The following ADGRA3 variants were observed in gnomAD, a reference collection of about 807,000 sequenced individuals.
The protein encoded by ADGRA3 is G-protein coupled receptor 125.
Under a neutral mutation model 119.8 loss-of-function variants are expected in ADGRA3, and 56 were observed. The observed-to-expected ratio is 0.47, with a 90% CI of 0.38 to 0.58. ADGRA3 has a LOEUF of 0.58. Among genes scored for constraint, ADGRA3 ranks in the 20% least tolerant of loss-of-function variants. The probability of loss-of-function intolerance (pLI) is 0.00; values close to 1 mark genes in which losing one functional copy is unlikely to be tolerated. For missense variants in ADGRA3, 1,516 were observed against 1,649.0 expected, an observed-to-expected ratio of 0.92 and a Z score of 1.40; for synonymous variants, 607 against 623.8, an observed-to-expected ratio of 0.97 and a Z score of 0.40.
At position 22,515,653 on chromosome 4, in the gene ADGRA3, C is replaced by G. The variant is rs774948198; in HGVS notation, c.132G>C (p.Lys44Asn). ...CAGCCCCTCGGGGCCGCCCATCGTG[C>G]TTGCAGCCGGCGGGCAGCGCCGCGG... Reference protein sequence around the residue: ...GGAAALPAGCKHDGRPRGAGR... With the variant: ...GGAAALPAGCNHDGRPRGAGR... The change falls in exon 1 of 19, where the codon AAG becomes AAC. Residue 44 changes from lysine to asparagine, a missense_variant. Lys to Asn is a moderately conservative substitution (Grantham distance 94, BLOSUM62 0). This residue lies in a region of ADGRA3 where 428 missense variants were observed against 541.9 expected (regional missense o/e 0.79). Transcript: ENST00000334304. 7 of 1,335,026 alleles carry G rather than the reference C, an allele frequency of 5.2e-6. No homozygotes were observed. The highest frequency in any genetic ancestry group is 1.5e-5 in the African/African-American group (1 of 65,992). 82.7% of individuals were successfully genotyped at this position (1,335,026 alleles called of 1,614,324 possible). A position where few individuals can be genotyped will look rare whatever the true frequency, so the allele number is the denominator to read the frequency against.
intron 4 of ADGRA3, among the ~76,000 whole-genome samples, chr4:22,449,199 G>A (rs995356807): frequency 2.0e-5 from 3 of 151,788 alleles, no homozygotes; most frequent in African/African-American, 7.3e-5. Context: ...GAACCCGGAA[G>A]GCAGAGGCTG....
At chr4:22,482,057 GATGCATTGACTCATTC>G (rs1309460782) in intron 1 of ADGRA3, among the ~76,000 whole-genome samples, 2 of 152,078 alleles carry the variant, frequency 1.3e-5, no homozygotes, top group African/African-American at 2.4e-5. Context: ...CCTTTGATTG[GATGCATTGACTCATTC>G]ATTCATTTTT....
At chr4:22,422,066 G>A (rs1337640923) in intron 11 of ADGRA3, among the ~76,000 whole-genome samples, 1 of 151,852 alleles carries the variant, frequency 6.6e-6, no homozygotes, top group African/African-American at 2.4e-5. Context: ...CAGCCACCAG[G>A]CCCACTCGCT....
intron 1 of ADGRA3, among the ~76,000 whole-genome samples, chr4:22,507,053 C>A (rs1322869619): frequency 6.8e-6 from 1 of 146,266 alleles, no homozygotes. Flanking sequence ...CTTGCTAACA[C>A]GATGAAACCC....
intron 1 of ADGRA3, among the ~76,000 whole-genome samples, chr4:22,505,579 G>A (rs1211918166): frequency 8.6e-5 from 13 of 151,722 alleles, no homozygotes; most frequent in African/African-American, 1.7e-4. Context: ...CCCGGGAGAC[G>A]GAGGTTGCAG....
At chr4:22,460,386 TAAATTTACAA>T (rs1717399904) in intron 3 of ADGRA3, among the ~76,000 whole-genome samples, 2 of 152,162 alleles carry the variant, frequency 1.3e-5, no homozygotes, top group African/African-American at 4.8e-5. Context: ...AAGCAGGACA[TAAATTTACAA>T]AGGTGTCCCT....
intron 2 of ADGRA3, 36 bp downstream of exon 2, chr4:22,473,736 A>G (rs772499885): frequency 8.0e-7 from 1 of 1,242,532 alleles, no homozygotes. Context: ...TGCATTAAAC[A>G]AAATAATAAT....
rs59015584 is a variant in ADGRA3, at chr4:22,513,845, C to CAAAAAAAAAAAAAAAAAAAAAAAAAAAA, written c.257+1655_257+1682dup. Among the ~76,000 whole-genome samples, 2 of 31,480 alleles carry CAAAAAAAAAAAAAAAAAAAAAAAAAAAA rather than the reference C, an allele frequency of 6.4e-5. 1 individual carries two copies. Among genetic ancestry groups the CAAAAAAAAAAAAAAAAAAAAAAAAAAAA allele is most frequent in the African/African-American group, 2.0e-4 (2 of 10,146 alleles). The allele number at this position is 31,480 out of a possible 152,430, so 20.7% of individuals were successfully genotyped here. ...TATTTTCATCTAAAAAGCTTTCAGGCAAAAAAAAAAAAAAAAAAAAAAAAA... is the reference window on the plus strand; with the variant it reads ...TATTTTCATCTAAAAAGCTTTCAGGCAAAAAAAAAAAAAAAAAAAAAAAAAAAAAAAAAAAAAAAAAAAAAAAAAAAAA... On this transcript the variant is annotated intron_variant, in intron 1 of 18. Transcript: ENST00000334304.
At chr4:22,492,908 C>T (rs1718681804) in intron 1 of ADGRA3, among the ~76,000 whole-genome samples, 1 of 152,230 alleles carries the variant, frequency 6.6e-6, no homozygotes, top group Non-Finnish European at 1.5e-5. Flanking sequence ...ATTTTGCACA[C>T]ACAAGATGAG....
intron 4 of ADGRA3, among the ~76,000 whole-genome samples, chr4:22,450,370 A>G (rs1716990008): frequency 6.6e-6 from 1 of 151,350 alleles, no homozygotes; most frequent in South Asian, 2.1e-4. Flanking sequence ...GGTTCAAGTG[A>G]TTCTCATGCC....
At chr4:22,497,342 G>C (rs1257322344) in intron 1 of ADGRA3, among the ~76,000 whole-genome samples, 4 of 151,232 alleles carry the variant, frequency 2.6e-5, no homozygotes, top group African/African-American at 9.8e-5. Flanking sequence ...CAGTCATCAA[G>C]GACATCTTCA....
At chr4:22,435,540 CT>C (rs1440438399) in intron 9 of ADGRA3, 74 bp from the exon 10 acceptor site, 1 of 1,308,500 alleles carries the variant, frequency 7.6e-7, no homozygotes, top group African/African-American at 1.5e-5. Flanking sequence ...GACATTTTAA[CT>C]TTGCATTTCA....
At chr4:22,495,194 C>A (rs1718768606) in intron 1 of ADGRA3, among the ~76,000 whole-genome samples, 1 of 151,952 alleles carries the variant, frequency 6.6e-6, no homozygotes, top group African/African-American at 2.4e-5. Context: ...AGCATGGATA[C>A]CTTGGACAAA....
intron 7 of ADGRA3, among the ~76,000 whole-genome samples, chr4:22,441,056 T>C (rs938864222): frequency 6.6e-6 from 1 of 151,684 alleles, no homozygotes; most frequent in African/African-American, 2.4e-5. Flanking sequence ...TGAACAGGAG[T>C]TGATATGAGA....
At chr4:22,430,792 G>T (rs1280129513) in intron 10 of ADGRA3, among the ~76,000 whole-genome samples, 33 of 151,840 alleles carry the variant, frequency 2.2e-4, no homozygotes, top group Non-Finnish European at 8.8e-5. Flanking sequence ...CTTCACCGCA[G>T]CCCCTCCCAT....
At chr4:22,437,834 A>G (rs965741863) in intron 8 of ADGRA3, among the ~76,000 whole-genome samples, 2 of 152,156 alleles carry the variant, frequency 1.3e-5, no homozygotes, top group African/African-American at 2.4e-5. Context: ...TCTGATGCCT[A>G]CTGAACTGCC....
chr4:22,391,820 CTT>C (rs1281042888), intron 17 of ADGRA3, among the ~76,000 whole-genome samples: 3 of 152,196 alleles, frequency 2.0e-5, no homozygotes, highest in African/African-American at 7.2e-5. Context: ...CACTTCTACA[CTT>C]TGTCATGATC....
intron 1 of ADGRA3, among the ~76,000 whole-genome samples, chr4:22,497,236 A>G (rs972787213): frequency 6.6e-6 from 1 of 152,232 alleles, no homozygotes; most frequent in Non-Finnish European, 1.5e-5. Flanking sequence ...GGCAAGAAAA[A>G]TAACACTGTG....
At chr4:22,394,328 G>A (rs894177668) in intron 16 of ADGRA3, 1 of 152,192 alleles carries the variant, frequency 6.6e-6, no homozygotes, top group Non-Finnish European at 1.5e-5. Flanking sequence ...GATAAACCTT[G>A]CAGTGGCTCT....
Sources: gnomAD v4.1 joint callset for allele counts (sites outside exome capture counted in the v4.1 genomes callset) on GRCh38, gnomAD v4.1.1 for gene constraint, gnomAD v4.1.1 regional missense constraint, MANE v1.5 for transcripts, NCBI Gene and HGNC (gene_info 2026-07-23, HGNC 2026-07-21) for gene names.